ORC3: variants seen among roughly 807,000 people sequenced by gnomAD.
ORC3 encodes origin recognition complex subunit 3, also known as homolog of latheo, Drosophila.
In ORC3, 78 loss-of-function variants were observed where a neutral mutation model predicts 100.7. The ratio of observed to expected loss-of-function variants is 0.77; its 90% CI spans 0.65 to 0.94. ORC3 has a LOEUF of 0.94. Among genes scored for constraint, ORC3 ranks in the 40% least tolerant of loss-of-function variants. The probability of loss-of-function intolerance (pLI) is 0.00; values close to 1 mark genes in which losing one functional copy is unlikely to be tolerated. For synonymous variants in ORC3, 295 were observed against 289.3 expected (o/e 1.02, Z -0.20); for missense variants, 789 against 823.9 (o/e 0.96, Z 0.52).
Position 87,665,785 on chromosome 6 carries a change from A to G in ORC3, c.1982A>G (p.Lys661Arg), listed in dbSNP as rs1259789113. The change falls in exon 19 of 20, where the codon AAA (lysine) becomes AGA (arginine). Residue 661 changes from lysine (K) to arginine (R), a missense_variant. Lys to Arg is a conservative substitution (Grantham distance 26). Transcript: ENST00000392844. ...GCAACAGTTGTGACAGCTGCTGAAA[A>G]AATGGATGCAAATTCTGCAACCTCA... is the stretch of plus-strand genomic sequence containing the variant. ...AFATVVTAAE[K>R]MDANSATSEE... 3 of 1,612,674 alleles carry G rather than the reference A, an allele frequency of 1.9e-6. No homozygotes were observed. The highest frequency in any genetic ancestry group is 1.7e-5 in the Admixed American group (1 of 60,010).
chr6:87,660,312 AT>A (rs1347795887), intron 16 of ORC3, among the ~76,000 whole-genome samples: 1 of 152,220 alleles, frequency 6.6e-6, no homozygotes, highest in East Asian at 1.9e-4. Flanking sequence ...GAGGGAAGAG[AT>A]TAGAATTGTA....
At chr6:87,597,331 G>T (rs1777523244) in intron 2 of ORC3, among the ~76,000 whole-genome samples, 1 of 152,054 alleles carries the variant, frequency 6.6e-6, no homozygotes, top group Admixed American at 6.6e-5. Context: ...GCATCATGTT[G>T]GTACTCAAAA....
At chr6:87,625,451 G>A (rs1668720879) in intron 11 of ORC3, among the ~76,000 whole-genome samples, 1 of 152,208 alleles carries the variant, frequency 6.6e-6, no homozygotes, top group African/African-American at 2.4e-5. Context: ...AACCAGTGAT[G>A]ATGAGCATTT....
chr6:87,645,565 T>C (rs1768697135), intron 13 of ORC3, among the ~76,000 whole-genome samples: 1 of 152,180 alleles, frequency 6.6e-6, no homozygotes, highest in African/African-American at 2.4e-5. Context: ...TATATATACA[T>C]TTGCAAGTTT....
chr6:87,659,102 C>T (rs568327370), intron 16 of ORC3, among the ~76,000 whole-genome samples: 113 of 130,102 alleles, frequency 8.7e-4, no homozygotes, highest in African/African-American at 3.0e-3. Flanking sequence ...CTCACTCTGT[C>T]GCCCAGGCTG....
intron 13 of ORC3, among the ~76,000 whole-genome samples, chr6:87,642,560 A>G (rs1410901560): frequency 4.1e-5 from 6 of 145,612 alleles, no homozygotes; most frequent in East Asian, 4.2e-4. Flanking sequence ...TCCAGCCTGG[A>G]CAACAGAGCA....
Position 87,596,445 on chromosome 6 carries a change from G to T in ORC3, c.79+2038G>T, listed in dbSNP as rs1042968003. Among the ~76,000 whole-genome samples, 279 of 114,038 alleles carry T rather than the reference G, an allele frequency of 2.4e-3. 1 individual carries two copies. The highest frequency in any genetic ancestry group is 6.3e-3 in the African/African-American group (174 of 27,704). The allele number at this position is 114,038 out of a possible 152,430, so 74.8% of individuals were successfully genotyped here. On this transcript the variant is annotated intron_variant, in intron 2 of 19. Transcript: ENST00000392844. ...ACTGTGCTCGGCTGTTTGTTTTTTT[G>T]TTGTTTTTTTTTTTTTAAGGCAAAA... is the stretch of plus-strand genomic sequence containing the variant.
At position 87,616,437 on chromosome 6, in the gene ORC3, C is replaced by T. The variant is rs373301553; in HGVS notation, c.987+10C>T. ...TATAAAAGGACTTCAGGTAAGAACA[C>T]AGTAATGGGTTTGAAAATTCTCAAG... On this transcript the variant is annotated intron_variant, in intron 9 of 19. Coordinates refer to ENST00000392844, the MANE Select transcript of ORC3 (RefSeq NM_012381.4). 26 of 1,056,252 alleles carry T rather than the reference C, an allele frequency of 2.5e-5. No individual in the cohort carries two copies. Among genetic ancestry groups the T allele is most frequent in the Middle Eastern group, 2.0e-4 (1 of 4,928 alleles). 65.4% of individuals were successfully genotyped at this position (1,056,252 alleles called of 1,614,324 possible).
chr6:87,676,859 G>A, the ORC3 span, among the ~76,000 whole-genome samples: 28 of 151,462 alleles, frequency 1.8e-4, no homozygotes, highest in Admixed American at 9.2e-4. Context: ...GGCAGATCAC[G>A]AGGTCAGGAG....
intron 2 of ORC3, chr6:87,594,615 T>A: frequency 8.3e-7 from 1 of 1,208,474 alleles, no homozygotes; most frequent in Non-Finnish European, 1.0e-6. Flanking sequence ...CTTCCAAAGG[T>A]AAGTTGGAAG....
chr6:87,611,999 T>C lies in ORC3; in HGVS notation c.714-90T>C, dbSNP rs1040588367. The stretch of plus-strand genomic sequence containing the variant: ...TAACAGTGTCTTATAAAGTAAGCAT[T>C]AAAATAAAGTTTGTCTTATGTTGAA... On this transcript the variant is annotated intron_variant, in intron 7 of 19. Transcript: ENST00000392844. The C allele has an allele frequency of 6.5e-6, 8 of 1,224,700 alleles. No homozygotes were observed. The African/African-American group carries it at 1.2e-4, about 19-fold the overall frequency. The allele number at this position is 1,224,700 out of a possible 1,614,324, so 75.9% of individuals were successfully genotyped here. A position where few individuals can be genotyped will look rare whatever the true frequency, so the allele number is the denominator to read the frequency against.
At chr6:87,675,055 C>CA in the ORC3 span, 2,734 of 132,274 alleles carry the variant, frequency 0.021, 25 homozygotes, top group Middle Eastern at 0.036. Flanking sequence ...AATAAAACTA[C>CA]AAAAAAAAAA....
intron 4 of ORC3, among the ~76,000 whole-genome samples, chr6:87,605,533 C>A (rs891065726): frequency 1.1e-4 from 16 of 151,982 alleles, no homozygotes; most frequent in Non-Finnish European, 2.1e-4. Flanking sequence ...GCCTGTAATT[C>A]CAGCTACTCA....
At chr6:87,673,221 C>T in the ORC3 span, among the ~76,000 whole-genome samples, 9 of 130,530 alleles carry the variant, frequency 6.9e-5, no homozygotes, top group Non-Finnish European at 9.2e-5. Context: ...AGTGCAGTGG[C>T]ATGATCTCAG....
chr6:87,647,353 T>A lies in ORC3; in HGVS notation c.1383-5763T>A, dbSNP rs117937234. ...TTGAATATTCCAGATATGCCCACTA[T>A]GGAACCTTTGCACCCATTGTTCTGT... On this transcript the variant is annotated intron_variant, in intron 13 of 19. Coordinates refer to ENST00000392844, the MANE Select transcript of ORC3 (RefSeq NM_012381.4). Among the ~76,000 whole-genome samples the A allele has an allele frequency of 5.6e-3, 853 of 152,218 alleles. 6 individuals carry two copies. The highest frequency in any genetic ancestry group is 0.037 in the Middle Eastern group (11 of 294).
chr6:87,669,158 A>G (rs1770779300), downstream of ORC3, among the ~76,000 whole-genome samples: 1 of 152,198 alleles, frequency 6.6e-6, no homozygotes, highest in South Asian at 2.1e-4. Context: ...ACTCCGTCTC[A>G]AAAACAAAAC....
In ORC3 at chr6:87,657,960, CA is replaced by C; in HGVS notation, c.1636del (p.Thr546ProfsTer11). The C allele has an allele frequency of 2.5e-6, 4 of 1,602,950 alleles. No individual in the cohort carries two copies. The highest frequency in any genetic ancestry group is 3.4e-6 in the Non-Finnish European group (4 of 1,170,154). On this transcript the variant is annotated frameshift_variant, in exon 16 of 20. Transcript: ENST00000392844. LOFTEE classifies it high-confidence loss of function. ...GAAGGAGTTAAGAAGAAGTAAGAAG[CA>C]AACCAAATTTGAAGTACTCAGAGAA... is the stretch of plus-strand genomic sequence containing the variant. ...EMKELRRSKKQTKFEVLRENV... is the reference protein window; with the variant it reads ...EMKELRRSKKXTKFEVLRENV...
At chr6:87,659,585 A>C (rs1304249763) in intron 16 of ORC3, among the ~76,000 whole-genome samples, 1 of 152,094 alleles carries the variant, frequency 6.6e-6, no homozygotes, top group East Asian at 1.9e-4. Context: ...GAAAAGGTCC[A>C]AAACGATCAA....
intron 13 of ORC3, among the ~76,000 whole-genome samples, chr6:87,644,076 GTCCTTTTTTTTTTTTTTT>G (rs1304489784): frequency 2.0e-5 from 2 of 99,676 alleles, no homozygotes; most frequent in Non-Finnish European, 3.8e-5. Context: ...ATGGCTGACT[GTCCTTTTTTTTTTTTTTT>G]TTTTTTTTTT....
Sources: allele counts gnomAD v4.1 joint callset (sites outside exome capture counted in the v4.1 genomes callset), GRCh38; gene constraint gnomAD v4.1.1; transcripts MANE v1.5; gene names NCBI Gene and HGNC (gene_info 2026-07-23, HGNC 2026-07-21).